The following PRDM1 variants were observed in gnomAD, a reference collection of about 807,000 sequenced individuals.
PRDM1 encodes the protein PR/SET domain 1.
Under a neutral mutation model 62.8 loss-of-function variants are expected in PRDM1, and 13 were observed. The ratio of observed to expected loss-of-function variants is 0.21; its 90% CI spans 0.13 to 0.33. The LOEUF (loss-of-function observed/expected upper bound fraction) is 0.33, where lower values mean the gene tolerates loss of function less well. Among genes scored for constraint, PRDM1 ranks in the 10% least tolerant of loss-of-function variants. The pLI, the probability that PRDM1 is intolerant of heterozygous loss-of-function variation, is 1.00. For synonymous variants in PRDM1, 396 were observed against 417.6 expected, an observed-to-expected ratio of 0.95 and a Z score of 0.63; for missense variants, 895 against 1,058.8, an observed-to-expected ratio of 0.85 and a Z score of 2.15.
At chr6:106,101,633 CG>C (rs1199428067) in intron 4 of PRDM1, among the ~76,000 whole-genome samples, 1 of 152,130 alleles carries the variant, frequency 6.6e-6, no homozygotes, top group African/African-American at 2.4e-5. Flanking sequence ...GTTGTGAAAC[CG>C]GTTGTCTTAG....
Position 106,107,986 on chromosome 6 carries a change from A to G in PRDM1, c.*500A>G. 8.6e-6 allele frequency: 2 copies of G among 232,848 alleles called. No individual in the cohort carries two copies. Among genetic ancestry groups the G allele is most frequent in the Non-Finnish European group, 1.7e-5 (2 of 117,510 alleles). The allele number at this position is 232,848 out of a possible 1,614,324, so 14.4% of individuals were successfully genotyped here. On this transcript the variant is annotated 3_prime_UTR_variant, in exon 7 of 7. Transcript: ENST00000369096. ...TTGTAGATAATTTCTGCACATCTGT[A>G]TAAGTACCTAAGATTTAGTTAAACA... is the stretch of plus-strand genomic sequence containing the variant.
At chr6:106,102,473 A>T (rs1478903977) in intron 4 of PRDM1, among the ~76,000 whole-genome samples, 1 of 152,244 alleles carries the variant, frequency 6.6e-6, no homozygotes, top group South Asian at 2.1e-4. Context: ...TTCTGAAGGC[A>T]TTAGAGATAG....
In PRDM1 at chr6:106,105,560, C is replaced by T. The variant is rs77256382; in HGVS notation, c.1400C>T (p.Pro467Leu). 2.5e-4 allele frequency: 407 copies of T among 1,612,772 alleles called. 5 individuals carry two copies. In the East Asian group the frequency reaches 7.7e-3, roughly 30 times the overall value. The change falls in exon 5 of 7, where the codon CCG becomes CTG. Residue 467 changes from proline to leucine, a missense_variant. This residue lies in a region of PRDM1 where 444 missense variants were observed against 422.7 expected (regional missense o/e 1.05). Coordinates refer to ENST00000369096, the MANE Select transcript of PRDM1 (RefSeq NM_001198.4). ...CCCATGCTCAACCCCACTTCTCTCC[C>T]GAGCTCGCTGCCCTCAGATGGAGCC... ...PHPMLNPTSL[P>L]SSLPSDGARR...
At chr6:106,033,322 T>G (rs1370443178) in intron 1 of PRDM1, among the ~76,000 whole-genome samples, 3 of 151,464 alleles carry the variant, frequency 2.0e-5, no homozygotes, top group Non-Finnish European at 3.0e-5. Context: ...TATTAGTTTT[T>G]TTTTTTTTTT....
intron 2 of PRDM1, among the ~76,000 whole-genome samples, chr6:106,089,936 G>A (rs1773917134): frequency 6.6e-6 from 1 of 152,168 alleles, no homozygotes; most frequent in African/African-American, 2.4e-5. Flanking sequence ...CATTCTGTGG[G>A]TCATCTTTGC....
chr6:106,007,675 T>G (rs1221364713), intron 1 of PRDM1, among the ~76,000 whole-genome samples: 6 of 152,232 alleles, frequency 3.9e-5, no homozygotes, highest in African/African-American at 1.4e-4. Flanking sequence ...TTATTTGGAC[T>G]TTGCTCTCCT....
chr6:106,098,988 CTG>C (rs1460856070), intron 3 of PRDM1: 15 of 1,576,606 alleles, frequency 9.5e-6, no homozygotes, highest in African/African-American at 5.4e-5. Flanking sequence ...AAGTAGTACT[CTG>C]TGGTGGGTTA....
intron 1 of PRDM1, among the ~76,000 whole-genome samples, chr6:106,006,408 A>G (rs1293382714): frequency 6.7e-6 from 1 of 148,484 alleles, no homozygotes; most frequent in African/African-American, 2.4e-5. Flanking sequence ...ATGAGCTTGC[A>G]ATTATGAGAA....
At chr6:106,009,864 T>C (rs1351471973) in intron 1 of PRDM1, among the ~76,000 whole-genome samples, 1 of 152,124 alleles carries the variant, frequency 6.6e-6, no homozygotes, top group Non-Finnish European at 1.5e-5. Context: ...ATTATAGGCA[T>C]GCGCCACCAC....
At chr6:106,054,919 A>T (rs756740982) in intron 1 of PRDM1, among the ~76,000 whole-genome samples, 8 of 152,226 alleles carry the variant, frequency 5.3e-5, no homozygotes, top group Non-Finnish European at 1.2e-4. Flanking sequence ...ACATATTCTG[A>T]ATTCATAGCG....
At chr6:106,093,693 A>G (rs959052666) in intron 2 of PRDM1, among the ~76,000 whole-genome samples, 1 of 152,214 alleles carries the variant, frequency 6.6e-6, no homozygotes, top group African/African-American at 2.4e-5. Context: ...TTATATCTCA[A>G]GACTGCTCTG....
At chr6:106,028,191 C>A (rs759006200) in intron 1 of PRDM1, among the ~76,000 whole-genome samples, 3 of 152,190 alleles carry the variant, frequency 2.0e-5, no homozygotes, top group African/African-American at 7.2e-5. Flanking sequence ...TCCAGCGGGG[C>A]TGGATTTCTG....
intron 1 of PRDM1, among the ~76,000 whole-genome samples, chr6:106,056,353 G>C (rs983629232): frequency 1.3e-5 from 2 of 152,176 alleles, no homozygotes; most frequent in African/African-American, 4.8e-5. Context: ...CTTTGCAAGT[G>C]ATTTGAATTG....
At chr6:106,000,703 T>A (rs1011416617) in intron 1 of PRDM1, among the ~76,000 whole-genome samples, 8 of 152,232 alleles carry the variant, frequency 5.3e-5, no homozygotes, top group African/African-American at 1.9e-4. Context: ...CTAAGCATTA[T>A]GTTTTTCTGA....
At chr6:106,050,769 T>A (rs553094749) in intron 1 of PRDM1, among the ~76,000 whole-genome samples, 1 of 152,348 alleles carries the variant, frequency 6.6e-6, no homozygotes, top group South Asian at 2.1e-4. Context: ...CCATTCATAT[T>A]CTTTCTCTTT....
At chr6:106,093,137 G>A (rs1774006915) in intron 2 of PRDM1, among the ~76,000 whole-genome samples, 1 of 152,176 alleles carries the variant, frequency 6.6e-6, no homozygotes, top group Non-Finnish European at 1.5e-5. Context: ...GATGGCAAGA[G>A]CTACTTCCGG....
intron 1 of PRDM1, among the ~76,000 whole-genome samples, chr6:105,999,737 T>G (rs1772405025): frequency 6.6e-6 from 1 of 152,232 alleles, no homozygotes. Flanking sequence ...TCTTTATGGG[T>G]TAAATATAAG....
chr6:105,997,542 G>A (rs1385813345), intron 1 of PRDM1, among the ~76,000 whole-genome samples: 2 of 152,086 alleles, frequency 1.3e-5, no homozygotes, highest in African/African-American at 2.4e-5. Context: ...GTCTCATTTG[G>A]GAATCTGCCT....
chr6:106,083,159 C>A (rs1308672911), upstream of PRDM1, among the ~76,000 whole-genome samples: 1 of 141,454 alleles, frequency 7.1e-6, no homozygotes, highest in African/African-American at 2.6e-5. Flanking sequence ...AGTTGGTCCC[C>A]AAATGTTTAC....
Sources: allele counts gnomAD v4.1 joint callset (sites outside exome capture counted in the v4.1 genomes callset), GRCh38; gene constraint gnomAD v4.1.1; regional missense constraint gnomAD v4.1.1; transcripts MANE v1.5; gene names NCBI Gene and HGNC (gene_info 2026-07-23, HGNC 2026-07-21).